NLGN4X: variants seen among roughly 807,000 people sequenced by gnomAD.
The protein encoded by NLGN4X is neuroligin-4, X-linked.
NLGN4X carries 3 observed loss-of-function variants against 40.3 expected under a neutral mutation model. The observed-to-expected ratio is 0.07, with a 90% CI of 0.03 to 0.19. NLGN4X has a LOEUF of 0.19. Among genes scored for constraint, NLGN4X ranks in the 10% least tolerant of loss-of-function variants. The probability of loss-of-function intolerance (pLI) is 1.00; values close to 1 mark genes in which losing one functional copy is unlikely to be tolerated. For missense variants in NLGN4X, 382 were observed against 708.3 expected, an observed-to-expected ratio of 0.54 and a Z score of 5.23; for synonymous variants, 270 against 306.8, an observed-to-expected ratio of 0.88 and a Z score of 1.25.
At chrX:5,935,705 A>G (rs2033709235) in intron 3 of NLGN4X, among the ~76,000 whole-genome samples, 1 of 112,015 alleles carries the variant, frequency 8.9e-6, no homozygotes, top group African/African-American at 3.2e-5. Context: ...AAAGAGTTAA[A>G]TATCTTGTGG....
rs181578152 is a variant in NLGN4X, at chrX:6,219,571, T to C, written c.-306+8970A>G. On this transcript the variant is annotated intron_variant, in intron 1 of 5. Transcript: ENST00000381095. ...TTCTTTCTTTCTTTCTTTCTTTCTT[T>C]CTTCCTTCCTTCCTTCCTTCTTTCC... 9.3e-5 allele frequency among the ~76,000 whole-genome samples: 7 copies of C among 75,133 alleles called. No homozygotes were observed. The East Asian group carries it at 1.8e-3, about 20-fold the overall frequency. 65.2% of individuals were successfully genotyped at this position (75,133 alleles called of 115,157 possible).
At chrX:6,153,897 G>A (rs140864245) in intron 1 of NLGN4X, among the ~76,000 whole-genome samples, 9 of 112,394 alleles carry the variant, frequency 8.0e-5, no homozygotes, top group South Asian at 3.7e-4. Flanking sequence ...AAGAAGACGC[G>A]CCCAAGGGCA....
intron 1 of NLGN4X, among the ~76,000 whole-genome samples, chrX:6,175,918 T>C (rs748170524): frequency 2.7e-5 from 3 of 111,000 alleles, no homozygotes. Context: ...AAGGCTCCTG[T>C]GTATCTGCAT....
At chrX:5,961,460 G>T (rs2034661628) in intron 3 of NLGN4X, among the ~76,000 whole-genome samples, 1 of 112,132 alleles carries the variant, frequency 8.9e-6, no homozygotes, top group Non-Finnish European at 1.9e-5. Flanking sequence ...GACATGCTAA[G>T]TTCTCAAATT....
intron 3 of NLGN4X, among the ~76,000 whole-genome samples, chrX:5,966,531 T>C (rs1289103247): frequency 8.9e-6 from 1 of 112,826 alleles, no homozygotes; most frequent in Non-Finnish European, 1.9e-5. Context: ...CAATGACTAC[T>C]GTAAACTGAA....
At chrX:5,954,678 C>A (rs1012514498) in intron 3 of NLGN4X, among the ~76,000 whole-genome samples, 2 of 108,521 alleles carry the variant, frequency 1.8e-5, no homozygotes, top group African/African-American at 6.7e-5. Flanking sequence ...CTCTCTTGCT[C>A]AATATTTCTC....
intron 3 of NLGN4X, among the ~76,000 whole-genome samples, chrX:5,972,928 T>C (rs1051852254): frequency 6.2e-5 from 7 of 112,170 alleles, no homozygotes; most frequent in African/African-American, 1.9e-4. Context: ...TAGAAATTTA[T>C]CAGAAAGCCA....
chrX:5,927,503 A>AT (rs1569135701), intron 3 of NLGN4X, among the ~76,000 whole-genome samples: 1 of 112,567 alleles, frequency 8.9e-6, no homozygotes, highest in African/African-American at 3.2e-5. Context: ...GATGGATGGT[A>AT]TAAGTGGTTC....
intron 1 of NLGN4X, among the ~76,000 whole-genome samples, chrX:6,179,951 G>A (rs781245408): frequency 1.0e-3 from 116 of 111,869 alleles, no homozygotes; most frequent in African/African-American, 3.7e-3. Flanking sequence ...GACAAGGATG[G>A]TTAGCAAGCA....
At chrX:6,226,239 T>C (rs1926302933) in intron 1 of NLGN4X, among the ~76,000 whole-genome samples, 1 of 105,518 alleles carries the variant, frequency 9.5e-6, no homozygotes, top group Non-Finnish European at 2.0e-5. Flanking sequence ...ATCCCCGAGA[T>C]AGCAGCAGCA....
intron 3 of NLGN4X, among the ~76,000 whole-genome samples, chrX:5,977,663 G>A (rs1365900837): frequency 9.0e-6 from 1 of 111,093 alleles, no homozygotes; most frequent in Non-Finnish European, 1.9e-5. Flanking sequence ...ACCTTAAAAT[G>A]CACAGGACAA....
At chrX:6,170,791 A>C (rs2040589791) in intron 1 of NLGN4X, among the ~76,000 whole-genome samples, 1 of 111,934 alleles carries the variant, frequency 8.9e-6, no homozygotes, top group African/African-American at 3.3e-5. Flanking sequence ...CCTATAAATT[A>C]TCAATGGGCA....
intron 5 of NLGN4X, among the ~76,000 whole-genome samples, chrX:5,896,477 G>C (rs1265266530): frequency 8.9e-6 from 1 of 111,739 alleles, no homozygotes; most frequent in East Asian, 2.8e-4. Flanking sequence ...TTAAACTCCT[G>C]TGAGTAAAAT....
At chrX:6,023,035 A>G (rs931119263) in intron 3 of NLGN4X, among the ~76,000 whole-genome samples, 1 of 111,997 alleles carries the variant, frequency 8.9e-6, no homozygotes, top group African/African-American at 3.2e-5. Flanking sequence ...ACCATGACGC[A>G]ATCTACCCTC....
At chrX:6,003,586 G>C (rs1052407854) in intron 3 of NLGN4X, among the ~76,000 whole-genome samples, 1 of 109,122 alleles carries the variant, frequency 9.2e-6, no homozygotes, top group African/African-American at 3.3e-5. Flanking sequence ...GAGCACATTA[G>C]ATAATATTAT....
At chrX:6,170,246 A>G (rs1223544082) in intron 1 of NLGN4X, among the ~76,000 whole-genome samples, 1 of 111,572 alleles carries the variant, frequency 9.0e-6, no homozygotes, top group South Asian at 3.8e-4. Context: ...GGCATGAGCC[A>G]CTGCACCCAG....
At chrX:6,055,689 G>A (rs1301249654) in intron 2 of NLGN4X, among the ~76,000 whole-genome samples, 1 of 111,632 alleles carries the variant, frequency 9.0e-6, no homozygotes, top group Non-Finnish European at 1.9e-5. Flanking sequence ...TTATGCAAGA[G>A]AAGTGTCATA....
At chrX:6,169,971 T>C (rs953971053) in intron 1 of NLGN4X, among the ~76,000 whole-genome samples, 6 of 111,388 alleles carry the variant, frequency 5.4e-5, no homozygotes, top group African/African-American at 2.0e-4. Flanking sequence ...AGTTTATTAC[T>C]GAAACCACTG....
chrX:5,922,778 G>A (rs1382610015), intron 3 of NLGN4X, among the ~76,000 whole-genome samples: 15 of 110,800 alleles, frequency 1.4e-4, no homozygotes, highest in Admixed American at 9.6e-4. Context: ...CAGGAGAATC[G>A]CTTGAACCTG....
Sources: gnomAD v4.1 joint callset for allele counts (sites outside exome capture counted in the v4.1 genomes callset) on GRCh38, gnomAD v4.1.1 for gene constraint, MANE v1.5 for transcripts, NCBI Gene and HGNC (gene_info 2026-07-23, HGNC 2026-07-21) for gene names.